FLT3: variants seen among roughly 807,000 people sequenced by gnomAD.
The protein encoded by FLT3 is receptor-type tyrosine-protein kinase FLT3.
In FLT3, 46 loss-of-function variants were observed where a neutral mutation model predicts 126.6. The observed-to-expected ratio is 0.36, with a 90% CI of 0.29 to 0.46. FLT3 has a LOEUF of 0.46. Among genes scored for constraint, FLT3 ranks in the 20% least tolerant of loss-of-function variants. The pLI, the probability that FLT3 is intolerant of heterozygous loss-of-function variation, is 1.00. For missense variants in FLT3, 1,069 were observed against 1,190.3 expected (o/e 0.90, Z 1.50); for synonymous variants, 404 against 434.4 (o/e 0.93, Z 0.87).
chr13:28,027,918 G>A (rs1872954830), intron 16 of FLT3, among the ~76,000 whole-genome samples: 1 of 152,130 alleles, frequency 6.6e-6, no homozygotes, highest in African/African-American at 2.4e-5. Flanking sequence ...TACTTGCAAT[G>A]TTGTTGTTGT....
chr13:28,057,966 G>A (rs1246741385), intron 3 of FLT3, among the ~76,000 whole-genome samples: 3 of 151,834 alleles, frequency 2.0e-5, no homozygotes, highest in Non-Finnish European at 4.4e-5. Flanking sequence ...TTGAACCCAG[G>A]AGGTAAAGGC....
chr13:28,069,152 A>G (rs1246476312), intron 2 of FLT3, among the ~76,000 whole-genome samples: 6 of 152,170 alleles, frequency 3.9e-5, no homozygotes, highest in African/African-American at 1.4e-4. Flanking sequence ...CAGGGAGGCT[A>G]GCCCAGCAGC....
intron 2 of FLT3, among the ~76,000 whole-genome samples, chr13:28,064,353 T>C (rs927037369): frequency 9.9e-5 from 15 of 151,966 alleles, no homozygotes; most frequent in African/African-American, 3.6e-4. Flanking sequence ...GGTGGGCGGA[T>C]CACAAGGTCA....
intron 19 of FLT3, among the ~76,000 whole-genome samples, chr13:28,021,840 T>C (rs1872420238): frequency 6.6e-6 from 1 of 151,738 alleles, no homozygotes; most frequent in African/African-American, 2.4e-5. Context: ...CCTCCCAGGT[T>C]CATGCCATTC....
intron 15 of FLT3, among the ~76,000 whole-genome samples, chr13:28,032,554 G>A (rs1873440242): frequency 6.6e-6 from 1 of 152,202 alleles, no homozygotes; most frequent in Non-Finnish European, 1.5e-5. Flanking sequence ...AGGTTGCAGT[G>A]AGCTGAGATC....
At chr13:28,088,292 CT>C (rs869111412) in intron 1 of FLT3, among the ~76,000 whole-genome samples, 244 of 144,450 alleles carry the variant, frequency 1.7e-3, no homozygotes, top group Middle Eastern at 3.6e-3. Flanking sequence ...AGAAAACATT[CT>C]TTTTTTTTTT....
At chr13:28,069,290 A>G (rs1877298101) in intron 2 of FLT3, among the ~76,000 whole-genome samples, 1 of 151,880 alleles carries the variant, frequency 6.6e-6, no homozygotes, top group Admixed American at 6.6e-5. Flanking sequence ...TTATATGAGA[A>G]CTCCTAAAGG....
chr13:28,033,460 C>T (rs1238077931), intron 15 of FLT3, among the ~76,000 whole-genome samples: 1 of 152,030 alleles, frequency 6.6e-6, no homozygotes, highest in Admixed American at 6.6e-5. Context: ...GCTCAGGAGT[C>T]CCAGATCAGC....
chr13:28,078,288 CT>C lies in FLT3; in HGVS notation c.44-7677del, dbSNP rs987359632. On this transcript the variant is annotated intron_variant, in intron 1 of 23. Transcript: ENST00000241453. ...GACCCTGCCCCTGCAGCAAACTTTT[CT>C]CAGGGCAACCAGGCTTTTCCATATA... Among the ~76,000 whole-genome samples the C allele has an allele frequency of 7.7e-4, 117 of 152,360 alleles. 1 individual carries two copies. Among genetic ancestry groups the C allele is most frequent in the Admixed American group, 1.2e-3 (19 of 15,304 alleles).
intron 15 of FLT3, among the ~76,000 whole-genome samples, chr13:28,033,152 C>CAA (rs755989941): frequency 6.6e-4 from 92 of 138,348 alleles, no homozygotes; most frequent in Middle Eastern, 3.8e-3. Flanking sequence ...ACCGTATCTA[C>CAA]AAAAAAAAAA....
chr13:28,021,260 C>T (rs9581959), intron 19 of FLT3, among the ~76,000 whole-genome samples: 68,654 of 151,920 alleles, frequency 0.45, 17,740 homozygotes, highest in East Asian at 0.68. Context: ...TGTGGTGGTG[C>T]ACACCTGTAA....
At position 28,097,483 on chromosome 13, in the gene FLT3, A is replaced by AAT. The variant is rs1302164152; in HGVS notation, c.43+2984_43+2985insAT. 4.0e-3 allele frequency among the ~76,000 whole-genome samples: 607 copies of AAT among 152,344 alleles called. 5 individuals are homozygous for AAT. The highest frequency in any genetic ancestry group is 5.8e-3 in the Non-Finnish European group (392 of 68,032). ...TTTACCAATAGCTAAGAGTTACTGA[A>AAT]AGTGCCTTCTTAGTTATAAAAAGTT... On this transcript the variant is annotated intron_variant, in intron 1 of 23. Coordinates refer to ENST00000241453, the MANE Select transcript of FLT3 (RefSeq NM_004119.3).
At chr13:28,018,678 G>C (rs2137625294) in intron 19 of FLT3, 89 bp from the exon 20 acceptor site, 1 of 1,429,342 alleles carries the variant, frequency 7.0e-7, no homozygotes, top group Non-Finnish European at 9.7e-7. Flanking sequence ...TCAGTAGGAG[G>C]TACCGGTGAT....
chr13:28,033,153 A>AC (rs942994495), intron 15 of FLT3, among the ~76,000 whole-genome samples: 1 of 118,526 alleles, frequency 8.4e-6, no homozygotes, highest in African/African-American at 3.3e-5. Context: ...CCGTATCTAC[A>AC]AAAAAAAAAA....
intron 18 of FLT3, among the ~76,000 whole-genome samples, chr13:28,024,057 G>A (rs1011087352): frequency 6.6e-6 from 1 of 151,624 alleles, no homozygotes; most frequent in African/African-American, 2.4e-5. Context: ...CACTGTGCCC[G>A]GCCCATCTAT....
At chr13:28,081,953 T>TC (rs572914393) in intron 1 of FLT3, among the ~76,000 whole-genome samples, 5 of 138,732 alleles carry the variant, frequency 3.6e-5, no homozygotes, top group African/African-American at 8.3e-5. Context: ...ATCTCCCGGG[T>TC]TCAAGCAATT....
chr13:28,064,876 T>C (rs930209918), intron 2 of FLT3, among the ~76,000 whole-genome samples: 2 of 152,192 alleles, frequency 1.3e-5, no homozygotes, highest in African/African-American at 4.8e-5. Context: ...AGCACACCTC[T>C]AGCAATTAAT....
At position 28,052,580 on chromosome 13, in the gene FLT3, G is replaced by A. The variant is rs775998708; in HGVS notation, c.579C>T (p.Ile193=). The A allele has an allele frequency of 6.8e-6, 11 of 1,613,438 alleles. No individual in the cohort carries two copies. The highest frequency in any genetic ancestry group is 1.7e-5 in the Admixed American group (1 of 59,936). Residue 193 remains isoleucine, a synonymous_variant, in exon 5 of 24, where the codon ATC becomes ATT. Coordinates refer to ENST00000241453, the MANE Select transcript of FLT3 (RefSeq NM_004119.3). Reference sequence around the variant, plus strand: ...GTGAATCGCAAAGCACCCATTCCACGATCGGCTCTGGAACGCTCTCAGATA... The same window carrying A: ...GTGAATCGCAAAGCACCCATTCCACAATCGGCTCTGGAACGCTCTCAGATA... ...VCISESVPEP[I]VEWVLCDSQG...
At chr13:28,044,034 C>T (rs985179805) in intron 9 of FLT3, among the ~76,000 whole-genome samples, 3 of 151,684 alleles carry the variant, frequency 2.0e-5, no homozygotes, top group East Asian at 3.9e-4. Context: ...CACTTACTCA[C>T]CTCCACCGAG....
Sources: allele counts gnomAD v4.1 joint callset (sites outside exome capture counted in the v4.1 genomes callset), GRCh38; gene constraint gnomAD v4.1.1; transcripts MANE v1.5; gene names NCBI Gene and HGNC (gene_info 2026-07-23, HGNC 2026-07-21).